The following ST8SIA6 variants were observed in gnomAD, a reference collection of about 807,000 sequenced individuals.
ST8SIA6 encodes ST8 alpha-N-acetyl-neuraminide alpha-2,8-sialyltransferase 6, also known as alpha-2,8-sialyltransferase 8F.
ST8SIA6 carries 39 observed loss-of-function variants against 33.6 expected under a neutral mutation model. The observed-to-expected ratio is 1.16, with a 90% CI of 0.90 to 1.52. ST8SIA6 has a LOEUF of 1.52. Among genes scored for constraint, ST8SIA6 ranks in the 40% most tolerant of loss-of-function variants. The probability of loss-of-function intolerance (pLI) is 0.00; values close to 1 mark genes in which losing one functional copy is unlikely to be tolerated. For synonymous variants in ST8SIA6, 172 were observed against 167.2 expected, an observed-to-expected ratio of 1.03 and a Z score of -0.22; for missense variants, 441 against 443.8, an observed-to-expected ratio of 0.99 and a Z score of 0.06.
chr10:17,330,286 C>T (rs899467216), intron 5 of ST8SIA6, among the ~76,000 whole-genome samples: 2 of 152,174 alleles, frequency 1.3e-5, no homozygotes, highest in South Asian at 4.1e-4. Flanking sequence ...CAGTTGAAAA[C>T]ATGGCAGACA....
At chr10:17,326,422 C>A (rs11254535) in intron 6 of ST8SIA6, among the ~76,000 whole-genome samples, 2 of 151,964 alleles carry the variant, frequency 1.3e-5, no homozygotes, top group African/African-American at 4.8e-5. Context: ...CACAGAAAAA[C>A]CATTTTGTTT....
chr10:17,435,024 C>T (rs1852208128), intron 2 of ST8SIA6, among the ~76,000 whole-genome samples: 1 of 152,204 alleles, frequency 6.6e-6, no homozygotes, highest in Non-Finnish European at 1.5e-5. Flanking sequence ...TCAAAAATGG[C>T]CTGGGGCCTA....
intron 3 of ST8SIA6, among the ~76,000 whole-genome samples, chr10:17,365,763 T>C (rs1350927163): frequency 6.6e-6 from 1 of 152,202 alleles, no homozygotes; most frequent in African/African-American, 2.4e-5. Flanking sequence ...ACTAAGTACA[T>C]AGAAGTTATC....
Position 17,331,545 on chromosome 10 carries a change from G to A in ST8SIA6, c.385C>T (p.Leu129Phe), listed in dbSNP as rs745842600. The A allele has an allele frequency of 6.2e-7, 1 of 1,605,878 alleles. No individual in the cohort carries two copies. Among genetic ancestry groups the A allele is most frequent in the East Asian group, 2.2e-5 (1 of 44,736 alleles). ...TGAACAGCATCACAGCAGGAAGCAAGTTTGGCTCTGCAAAGGAAAAGGATG... is the reference window on the plus strand; with the variant it reads ...TGAACAGCATCACAGCAGGAAGCAAATTTGGCTCTGCAAAGGAAAAGGATG... ...AEEYANFRAK[L>F]ASCCDAVQNF... The change falls in exon 5 of 8, where the codon CTT becomes TTT. Residue 129 changes from leucine (L) to phenylalanine (F), a missense_variant. Transcript: ENST00000377602.
intron 2 of ST8SIA6, among the ~76,000 whole-genome samples, chr10:17,412,168 G>T (rs1277969243): frequency 1.3e-5 from 2 of 152,080 alleles, no homozygotes; most frequent in African/African-American, 4.8e-5. Flanking sequence ...AGCAATTGCT[G>T]TGACCATCCT....
chr10:17,412,668 TTGAC>T (rs1399669203), intron 2 of ST8SIA6, among the ~76,000 whole-genome samples: 1 of 152,184 alleles, frequency 6.6e-6, no homozygotes, highest in Non-Finnish European at 1.5e-5. Context: ...TGTAGAAACT[TTGAC>T]TGCAAGAATT....
At chr10:17,360,906 AGAAGAGGAAGAAGG>A (rs1849360777) in intron 3 of ST8SIA6, among the ~76,000 whole-genome samples, 3 of 149,906 alleles carry the variant, frequency 2.0e-5, no homozygotes, top group Non-Finnish European at 3.0e-5. Flanking sequence ...ACGAAGAAGA[AGAAGAGGAAGAAGG>A]GAAGAAGAAG....
At chr10:17,435,954 G>C (rs1047070713) in intron 2 of ST8SIA6, among the ~76,000 whole-genome samples, 4 of 152,164 alleles carry the variant, frequency 2.6e-5, no homozygotes, top group African/African-American at 9.7e-5. Flanking sequence ...TCAGAGTCTA[G>C]GGACCAGCGG....
At chr10:17,413,134 C>G (rs1209395913) in intron 2 of ST8SIA6, among the ~76,000 whole-genome samples, 1 of 152,140 alleles carries the variant, frequency 6.6e-6, no homozygotes, top group Non-Finnish European at 1.5e-5. Flanking sequence ...TCAACTCTAT[C>G]AAAGATTGAA....
At chr10:17,430,615 A>G (rs1254502281) in intron 2 of ST8SIA6, among the ~76,000 whole-genome samples, 1 of 151,992 alleles carries the variant, frequency 6.6e-6, no homozygotes, top group African/African-American at 2.4e-5. Context: ...CTGTGGTTTT[A>G]ATTTGCATTT....
intron 3 of ST8SIA6, among the ~76,000 whole-genome samples, chr10:17,387,282 G>T (rs985169191): frequency 1.3e-5 from 2 of 150,192 alleles, no homozygotes; most frequent in Non-Finnish European, 3.0e-5. Flanking sequence ...ACGGAGTTTC[G>T]CTCTCGTCAC....
At chr10:17,419,107 A>T (rs1418288739) in intron 2 of ST8SIA6, among the ~76,000 whole-genome samples, 1 of 150,096 alleles carries the variant, frequency 6.7e-6, no homozygotes, top group Non-Finnish European at 1.5e-5. Context: ...TCCCTTTGTC[A>T]TTTTCTATCA....
intron 2 of ST8SIA6, among the ~76,000 whole-genome samples, chr10:17,435,631 G>C (rs1852227750): frequency 2.2e-5 from 3 of 139,446 alleles, no homozygotes; most frequent in Non-Finnish European, 3.0e-5. Context: ...AGATCACAGG[G>C]ACTCCCATTT....
At chr10:17,348,420 T>C (rs189085928) in intron 4 of ST8SIA6, among the ~76,000 whole-genome samples, 97 of 152,234 alleles carry the variant, frequency 6.4e-4, no homozygotes, top group African/African-American at 2.3e-3. Context: ...TTATAAAAGG[T>C]CTCATTATTT....
chr10:17,418,130 C>T (rs1851659457), intron 2 of ST8SIA6, among the ~76,000 whole-genome samples: 2 of 152,218 alleles, frequency 1.3e-5, no homozygotes, highest in African/African-American at 4.8e-5. Context: ...GCGATCAAAG[C>T]TCACTGCAGC....
chr10:17,320,998 A>T lies in ST8SIA6; in HGVS notation c.1077T>A (p.Tyr359Ter), dbSNP rs775450866. 1 of 1,614,088 alleles carries T rather than the reference A, an allele frequency of 6.2e-7. No homozygotes were observed. The highest frequency in any genetic ancestry group is 1.1e-5 in the South Asian group (1 of 91,080). ...CATGTTTAGGTAGCTTGTTGTCATA[A>T]TAGTGATGGCTGACAGGTATGTCTT... ...TVEDIPVSHH[Y>*]YDNKLPKHGF... Residue 359 changes from tyrosine (Y) to a stop codon, truncating the protein, a stop_gained, in exon 8 of 8, where the codon TAT (tyrosine) becomes TAA (stop). Coordinates refer to ENST00000377602, the MANE Select transcript of ST8SIA6 (RefSeq NM_001004470.3). LOFTEE classifies it high-confidence loss of function.
intron 4 of ST8SIA6, among the ~76,000 whole-genome samples, chr10:17,357,578 G>T (rs74117643): frequency 0.02 from 3,036 of 152,260 alleles, 104 homozygotes; most frequent in African/African-American, 0.068. Flanking sequence ...TATTCGGCAA[G>T]TTCTTTATGA....
intron 4 of ST8SIA6, among the ~76,000 whole-genome samples, chr10:17,343,394 G>T (rs969972671): frequency 6.6e-6 from 1 of 152,136 alleles, no homozygotes; most frequent in African/African-American, 2.4e-5. Context: ...TATTGTATTC[G>T]TAAGCTCATA....
chr10:17,325,228 GTATAT>G lies in ST8SIA6; in HGVS notation c.635+1781_635+1785del, dbSNP rs570093277. Among the ~76,000 whole-genome samples, 751 of 141,988 alleles carry G rather than the reference GTATAT, an allele frequency of 5.3e-3. 2 individuals are homozygous for G. The highest frequency in any genetic ancestry group is 7.8e-3 in the Non-Finnish European group (520 of 66,620). 93.1% of individuals were successfully genotyped at this position (141,988 alleles called of 152,430 possible). A position where few individuals can be genotyped will look rare whatever the true frequency, so the allele number is the denominator to read the frequency against. ...ATTACATATAATACTGTATTATATA[GTATAT>G]TATATAGTATACAATATACTATATT... On this transcript the variant is annotated intron_variant, in intron 6 of 7. Transcript: ENST00000377602.
Sources: allele counts gnomAD v4.1 joint callset (sites outside exome capture counted in the v4.1 genomes callset), GRCh38; gene constraint gnomAD v4.1.1; transcripts MANE v1.5; gene names NCBI Gene and HGNC (gene_info 2026-07-23, HGNC 2026-07-21).